The following RHD variants were observed in gnomAD, a reference collection of about 807,000 sequenced individuals.
RHD encodes Rh blood group D antigen.
RHD carries 16 observed loss-of-function variants against 45.5 expected under a neutral mutation model. The ratio of observed to expected loss-of-function variants is 0.35; its 90% confidence interval spans 0.24 to 0.53. The LOEUF (loss-of-function observed/expected upper bound fraction) is 0.53, where lower values mean the gene tolerates loss of function less well. Among genes scored for constraint, RHD ranks in the 20% least tolerant of loss-of-function variants. RHD has a pLI of 0.92. For synonymous variants in RHD, 131 were observed against 217.5 expected, an observed-to-expected ratio of 0.60 and a Z score of 3.50; for missense variants, 306 against 532.0, an observed-to-expected ratio of 0.58 and a Z score of 4.18.
chr1:25,297,161 A>C, intron 3 of RHD, among the ~76,000 whole-genome samples: 1 of 97,054 alleles, frequency 1.0e-5, no homozygotes, highest in Non-Finnish European at 2.5e-5. Context: ...ATCTTTCTTT[A>C]TCTTTCATGA....
chr1:25,301,411 T>C lies in RHD; in HGVS notation c.635-109T>C. On this transcript the variant is annotated intron_variant, in intron 4 of 9. Coordinates refer to ENST00000328664, the MANE Select transcript of RHD (RefSeq NM_016124.6). ...CGTGACTTCCCCATCTAACTCTAAG[T>C]GACAAGGCTGAGACTCTCCAGCCCT... 6 of 1,046,696 alleles carry C rather than the reference T, an allele frequency of 5.7e-6. 1 individual carries two copies. In the East Asian group the frequency reaches 6.9e-5, roughly 12 times the overall value. 64.8% of individuals were successfully genotyped at this position (1,046,696 alleles called of 1,614,324 possible). A position where few individuals can be genotyped will look rare whatever the true frequency, so the allele number is the denominator to read the frequency against.
At chr1:25,305,337 G>A (rs1345742244) in intron 6 of RHD, among the ~76,000 whole-genome samples, 1 of 131,072 alleles carries the variant, frequency 7.6e-6, no homozygotes, top group African/African-American at 2.6e-5. Context: ...GATGGGAGGT[G>A]CTCAGGCACA....
rs866663888 is a variant in RHD at position 25,287,989 on chromosome 1, C to T, written c.336-2652C>T. ...CCACCTGCCTAGGCCTCCCAAAGTA[C>T]TGGGATTACAGGCGTGAGCCACTGT... On this transcript the variant is annotated intron_variant, in intron 2 of 9. Transcript: ENST00000328664. Among the ~76,000 whole-genome samples the T allele has an allele frequency of 1.9e-4, 25 of 132,946 alleles. 7 individuals carry two copies. The highest frequency in any genetic ancestry group is 4.4e-4 in the Admixed American group (6 of 13,728). The allele number at this position is 132,946 out of a possible 152,430, so 87.2% of individuals were successfully genotyped here. A position where few individuals can be genotyped will look rare whatever the true frequency, so the allele number is the denominator to read the frequency against.
rs1228466807 is a variant in RHD, at chr1:25,329,884, T to G, written c.*960T>G. 2.3e-5 allele frequency: 3 copies of G among 129,898 alleles called. 1 individual carries two copies. Among genetic ancestry groups the G allele is most frequent in the African/African-American group, 7.9e-5 (3 of 38,116 alleles). 8.0% of individuals were successfully genotyped at this position (129,898 alleles called of 1,614,324 possible). A position where few individuals can be genotyped will look rare whatever the true frequency, so the allele number is the denominator to read the frequency against. On this transcript the variant is annotated 3_prime_UTR_variant, in exon 10 of 10. Coordinates refer to ENST00000328664, the MANE Select transcript of RHD (RefSeq NM_016124.6). The stretch of plus-strand genomic sequence containing the variant: ...CTAGGATAGTTTCACCAGGATCTCT[T>G]GGCCTCATGATCAGCCTGCCTCGGC...
At chr1:25,281,856 C>T (rs1313354486) in intron 1 of RHD, among the ~76,000 whole-genome samples, 1 of 132,538 alleles carries the variant, frequency 7.5e-6, no homozygotes, top group East Asian at 1.9e-4. Context: ...CAGTGTCCTC[C>T]CTTGTCCTCT....
Position 25,300,941 on chromosome 1 carries a change from T to C in RHD, c.487-5T>C. On this transcript the variant is annotated splice_polypyrimidine_tract_variant and splice_region_variant and intron_variant, in intron 3 of 9. Transcript: ENST00000328664. ...ACTCACTGCTCTTACTGGGTTTTATTGCAGACAGACTACCACATGAACATG... is the reference window on the plus strand; with the variant it reads ...ACTCACTGCTCTTACTGGGTTTTATCGCAGACAGACTACCACATGAACATG... The C allele has an allele frequency of 2.9e-6, 4 of 1,378,052 alleles. 1 individual carries two copies. Among genetic ancestry groups the C allele is most frequent in the Non-Finnish European group, 4.1e-6 (4 of 978,042 alleles). 85.4% of individuals were successfully genotyped at this position (1,378,052 alleles called of 1,614,324 possible). A position where few individuals can be genotyped will look rare whatever the true frequency, so the allele number is the denominator to read the frequency against.
rs1640822987 is a variant in RHD at position 25,274,962 on chromosome 1, C to T, written c.148+2267C>T. Among the ~76,000 whole-genome samples the T allele has an allele frequency of 1.5e-5, 2 of 131,312 alleles. 1 individual carries two copies. The highest frequency in any genetic ancestry group is 5.2e-5 in the African/African-American group (2 of 38,588). 86.1% of individuals were successfully genotyped at this position (131,312 alleles called of 152,430 possible). ...GACTTCATCTCAAAAAACCAAACAA[C>T]AAAAACAACAACAAGAACAACAAAA... On this transcript the variant is annotated intron_variant, in intron 1 of 9. Coordinates refer to ENST00000328664, the MANE Select transcript of RHD (RefSeq NM_016124.6).
rs968773901 is a variant in RHD at position 25,311,910 on chromosome 1, G to C, written c.1074-5090G>C. On this transcript the variant is annotated intron_variant, in intron 7 of 9. Coordinates refer to ENST00000328664, the MANE Select transcript of RHD (RefSeq NM_016124.6). ...CCACCTACATTTCAAAGGGTGCTGT[G>C]AACAGCCACCCCAGAGAGCCCCTAG... Among the ~76,000 whole-genome samples the C allele has an allele frequency of 8.4e-5, 11 of 131,246 alleles. 1 individual carries two copies. The highest frequency in any genetic ancestry group is 2.9e-4 in the African/African-American group (11 of 37,466). The allele number at this position is 131,246 out of a possible 152,430, so 86.1% of individuals were successfully genotyped here.
At chr1:25,303,540 G>T in intron 6 of RHD, 81 bp downstream of exon 6, 2 of 1,242,336 alleles carry the variant, frequency 1.6e-6, no homozygotes, top group Admixed American at 3.7e-5. Flanking sequence ...ACTGTGCAGT[G>T]CACAGCTGCA....
chr1:25,301,474 T>C, intron 4 of RHD, 46 bp from the exon 5 acceptor site: 2 of 1,350,932 alleles, frequency 1.5e-6, no homozygotes, highest in Non-Finnish European at 2.1e-6. Context: ...CTCAGACCTT[T>C]GGAGCAGGAG....
At chr1:25,321,101 A>T (rs1411194276) in intron 8 of RHD, among the ~76,000 whole-genome samples, 1 of 130,982 alleles carries the variant, frequency 7.6e-6, no homozygotes, top group East Asian at 2.0e-4. Context: ...AAGGACAGGC[A>T]CTTAAGCAAG....
intron 1 of RHD, among the ~76,000 whole-genome samples, chr1:25,281,687 GA>G: frequency 7.6e-6 from 1 of 131,228 alleles, no homozygotes; most frequent in South Asian, 2.3e-4. Context: ...GCAGGAGATA[GA>G]AACATTCCCT....
At chr1:25,282,054 A>G (rs531984979) in intron 1 of RHD, among the ~76,000 whole-genome samples, 1 of 131,714 alleles carries the variant, frequency 7.6e-6, no homozygotes, top group South Asian at 2.3e-4. Context: ...ATGTTGATGA[A>G]CAGTCACTAT....
In RHD at chr1:25,284,359, C is replaced by G. The variant is rs559311999; in HGVS notation, c.149-214C>G. 1.3e-3 allele frequency among the ~76,000 whole-genome samples: 173 copies of G among 135,902 alleles called. 27 individuals carry two copies. The highest frequency in any genetic ancestry group is 4.1e-3 in the African/African-American group (162 of 39,598). The allele number at this position is 135,902 out of a possible 152,430, so 89.2% of individuals were successfully genotyped here. A position where few individuals can be genotyped will look rare whatever the true frequency, so the allele number is the denominator to read the frequency against. On this transcript the variant is annotated intron_variant, in intron 1 of 9. Coordinates refer to ENST00000328664, the MANE Select transcript of RHD (RefSeq NM_016124.6). ...AAGTGCTTAATTAGCTTTAGCTCCTCTAATCCTTATCTTATCCCCACACGG... is the reference window on the plus strand; with the variant it reads ...AAGTGCTTAATTAGCTTTAGCTCCTGTAATCCTTATCTTATCCCCACACGG...
At chr1:25,276,163 G>C (rs1245146630) in intron 1 of RHD, among the ~76,000 whole-genome samples, 1 of 131,290 alleles carries the variant, frequency 7.6e-6, no homozygotes, top group East Asian at 2.0e-4. Context: ...TGTTAATTTT[G>C]TTAGGTATGA....
intron 8 of RHD, among the ~76,000 whole-genome samples, chr1:25,320,745 T>A (rs924478729): frequency 7.6e-6 from 1 of 130,814 alleles, no homozygotes; most frequent in African/African-American, 2.6e-5. Context: ...GGGCAGAGAG[T>A]AGACAGGGAA....
chr1:25,301,679 T>G lies in RHD; in HGVS notation c.794T>G (p.Ile265Ser). The change falls in exon 5 of 10, where the codon ATC (isoleucine) becomes AGC (serine). Residue 265 changes from isoleucine (I) to serine (S), a missense_variant. Ile to Ser is a moderately radical substitution (Grantham distance 142). Coordinates refer to ENST00000328664, the MANE Select transcript of RHD (RefSeq NM_016124.6). ...TCCTTGGCTCACCCCCAAGGGAAGATCAGCAAGGTGAGCAGGGCGCTGCCC... is the reference window on the plus strand; with the variant it reads ...TCCTTGGCTCACCCCCAAGGGAAGAGCAGCAAGGTGAGCAGGGCGCTGCCC... Reference protein sequence around the residue: ...GSSLAHPQGKISKTYVHSAVL... With the variant: ...GSSLAHPQGKSSKTYVHSAVL... 7.2e-7 allele frequency: 1 copy of G among 1,379,384 alleles called. No individual in the cohort carries two copies. Among genetic ancestry groups the G allele is most frequent in the Middle Eastern group, 1.8e-4 (1 of 5,496 alleles). 85.4% of individuals were successfully genotyped at this position (1,379,384 alleles called of 1,614,324 possible).
At chr1:25,303,595 T>G in intron 6 of RHD, 136 bp downstream of exon 6, 3 of 950,224 alleles carry the variant, frequency 3.2e-6, no homozygotes, top group Non-Finnish European at 4.9e-6. Context: ...CAACGCCTAG[T>G]GAGGGATCCA....
chr1:25,320,429 C>G (rs1208743064), intron 8 of RHD, among the ~76,000 whole-genome samples: 1 of 131,924 alleles, frequency 7.6e-6, no homozygotes, highest in Non-Finnish European at 1.8e-5. Context: ...TAAGCCTCAG[C>G]TATCTGGAAA....
Sources: gnomAD v4.1 joint callset for allele counts (sites outside exome capture counted in the v4.1 genomes callset) on GRCh38, gnomAD v4.1.1 for gene constraint, MANE v1.5 for transcripts, NCBI Gene and HGNC (gene_info 2026-07-23, HGNC 2026-07-21) for gene names.